NKAIN3: variants seen among roughly 807,000 people sequenced by gnomAD.
NKAIN3 encodes sodium/potassium-transporting ATPase subunit beta-1-interacting protein 3.
In NKAIN3, 25 loss-of-function variants were observed where a neutral mutation model predicts 30.2. That is an observed-to-expected ratio of 0.83 (90% CI 0.60 to 1.16). The LOEUF is 1.16. Ranked by LOEUF, NKAIN3 falls within the 50% of genes most tolerant of loss-of-function variation. The pLI, the probability that NKAIN3 is intolerant of heterozygous loss-of-function variation, is 0.00. For missense variants in NKAIN3, 225 were observed against 254.1 expected, an observed-to-expected ratio of 0.89 and a Z score of 0.78; for synonymous variants, 91 against 89.6, an observed-to-expected ratio of 1.02 and a Z score of -0.09.
At chr8:62,517,980 T>G (rs1808045149) in intron 1 of NKAIN3, among the ~76,000 whole-genome samples, 1 of 152,146 alleles carries the variant, frequency 6.6e-6, no homozygotes, top group Admixed American at 6.5e-5. Flanking sequence ...TCATATAGAA[T>G]GAGCTGCCAT....
At chr8:62,624,490 G>C (rs1284637257) in intron 3 of NKAIN3, among the ~76,000 whole-genome samples, 1 of 150,008 alleles carries the variant, frequency 6.7e-6, no homozygotes, top group African/African-American at 2.5e-5. Context: ...CTGCAGAGGA[G>C]CTTTCATTTC....
intron 3 of NKAIN3, among the ~76,000 whole-genome samples, chr8:62,739,653 T>A (rs749806404): frequency 5.9e-5 from 9 of 152,200 alleles, no homozygotes; most frequent in Non-Finnish European, 1.3e-4. Context: ...AATGGATGGA[T>A]AAGGCTTCAT....
intron 1 of NKAIN3, among the ~76,000 whole-genome samples, chr8:62,527,923 G>C (rs941600595): frequency 6.8e-5 from 10 of 147,444 alleles, no homozygotes; most frequent in Non-Finnish European, 1.2e-4. Context: ...GTGTGACAGA[G>C]AGACAGAGAG....
intron 3 of NKAIN3, among the ~76,000 whole-genome samples, chr8:62,619,693 T>C (rs1248301053): frequency 5.3e-5 from 6 of 112,984 alleles, no homozygotes; most frequent in Admixed American, 3.2e-4. Flanking sequence ...TTTCTTCAAA[T>C]ATTGTAAAAA....
chr8:62,255,508 C>G (rs1812236041), intron 1 of NKAIN3, among the ~76,000 whole-genome samples: 1 of 152,134 alleles, frequency 6.6e-6, no homozygotes, highest in South Asian at 2.1e-4. Flanking sequence ...TAAGTTGCTC[C>G]TCTTGTTTTA....
chr8:62,659,340 A>C (rs1487886737), intron 3 of NKAIN3, among the ~76,000 whole-genome samples: 1 of 129,090 alleles, frequency 7.7e-6, no homozygotes, highest in African/African-American at 3.0e-5. Context: ...TGGGTTTAGA[A>C]CCTCACTCTG....
chr8:62,612,753 G>A (rs186179119), intron 3 of NKAIN3, among the ~76,000 whole-genome samples: 284 of 151,568 alleles, frequency 1.9e-3, no homozygotes, highest in African/African-American at 6.5e-3. Context: ...AATTATTTTC[G>A]TTTTAGTTTT....
intron 1 of NKAIN3, among the ~76,000 whole-genome samples, chr8:62,552,111 T>C (rs968766504): frequency 4.6e-5 from 7 of 152,202 alleles, no homozygotes; most frequent in African/African-American, 1.2e-4. Context: ...GTTGTGAAAG[T>C]TGACAGTGAA....
chr8:62,261,672 C>A (rs1053771785), intron 1 of NKAIN3, among the ~76,000 whole-genome samples: 5 of 152,180 alleles, frequency 3.3e-5, no homozygotes, highest in African/African-American at 1.2e-4. Context: ...GTCCCCACAT[C>A]AAAATACTAA....
rs528382734 is a variant in NKAIN3 at position 62,307,506 on chromosome 8, C to T, written c.54+58379C>T. Among the ~76,000 whole-genome samples, 10 of 150,294 alleles carry T rather than the reference C, an allele frequency of 6.7e-5. No individual in the cohort carries two copies. The South Asian group carries it at 2.1e-3, about 31-fold the overall frequency. The stretch of plus-strand genomic sequence containing the variant: ...GACACTTTACTAAGTACTAGGAAAA[C>T]AAAAACCTTCTGATTTTGTAGGAAG... On this transcript the variant is annotated intron_variant, in intron 1 of 6. Transcript: ENST00000623646.
chr8:62,879,559 T>A (rs1227057892), intron 4 of NKAIN3, among the ~76,000 whole-genome samples: 7 of 152,202 alleles, frequency 4.6e-5, no homozygotes, highest in Non-Finnish European at 4.4e-5. Flanking sequence ...GTTTTTGTTG[T>A]TGCATTATGC....
intron 1 of NKAIN3, among the ~76,000 whole-genome samples, chr8:62,567,276 CAA>C (rs1809786732): frequency 6.6e-6 from 1 of 151,976 alleles, no homozygotes; most frequent in African/African-American, 2.4e-5. Flanking sequence ...AAGAGAGACT[CAA>C]GATTCTTCTT....
At chr8:62,426,780 T>G (rs1766900209) in intron 1 of NKAIN3, among the ~76,000 whole-genome samples, 1 of 152,044 alleles carries the variant, frequency 6.6e-6, no homozygotes, top group Non-Finnish European at 1.5e-5. Flanking sequence ...TTCCTTTTTT[T>G]TCCCCCAGTT....
At chr8:62,535,493 A>G (rs1808629846) in intron 1 of NKAIN3, among the ~76,000 whole-genome samples, 1 of 152,180 alleles carries the variant, frequency 6.6e-6, no homozygotes, top group African/African-American at 2.4e-5. Context: ...GAGCCTCCAG[A>G]ACTTCTGACC....
intron 4 of NKAIN3, among the ~76,000 whole-genome samples, chr8:62,800,523 T>C (rs879325153): frequency 1.6e-4 from 25 of 152,318 alleles, no homozygotes; most frequent in Admixed American, 4.6e-4. Flanking sequence ...AAAATCATCA[T>C]GTAGATCTGC....
At chr8:62,833,491 A>T (rs1025455172) in intron 4 of NKAIN3, among the ~76,000 whole-genome samples, 1 of 152,076 alleles carries the variant, frequency 6.6e-6, no homozygotes, top group Admixed American at 6.6e-5. Flanking sequence ...GACAAAGTTG[A>T]CATTACAACC....
intron 4 of NKAIN3, among the ~76,000 whole-genome samples, chr8:62,908,388 G>A (rs1216719314): frequency 6.6e-6 from 1 of 152,158 alleles, no homozygotes; most frequent in African/African-American, 2.4e-5. Context: ...TAAGACTTTG[G>A]GGGACAGTTG....
chr8:62,462,534 C>A (rs1174287034), intron 1 of NKAIN3, among the ~76,000 whole-genome samples: 3 of 152,156 alleles, frequency 2.0e-5, no homozygotes, highest in Non-Finnish European at 4.4e-5. Context: ...CCCTACTTGG[C>A]AGGAAGATTA....
chr8:62,545,198 T>C lies in NKAIN3; in HGVS notation c.55-34341T>C, dbSNP rs751118387. Among the ~76,000 whole-genome samples, 10 of 152,334 alleles carry C rather than the reference T, an allele frequency of 6.6e-5. No homozygotes were observed. In the South Asian group the frequency reaches 1.4e-3, roughly 22 times the overall value. On this transcript the variant is annotated intron_variant, in intron 1 of 6. Coordinates refer to ENST00000623646, the MANE Select transcript of NKAIN3 (RefSeq NM_001304533.3). ...TATTATACACACTAACCTAAATGTA[T>C]GTATGCACCAAACTTTAAATTTACT...
Sources: gnomAD v4.1 joint callset for allele counts (sites outside exome capture counted in the v4.1 genomes callset) on GRCh38, gnomAD v4.1.1 for gene constraint, MANE v1.5 for transcripts, NCBI Gene and HGNC (gene_info 2026-07-23, HGNC 2026-07-21) for gene names.